MEIS1: variants seen among roughly 807,000 people sequenced by gnomAD.
MEIS1 encodes the protein Meis homeobox 1, also known as homeobox protein Meis1.
In MEIS1, 5 loss-of-function variants were observed where a neutral mutation model predicts 50.8. The observed-to-expected ratio is 0.10, with a 90% confidence interval of 0.05 to 0.21. The LOEUF (loss-of-function observed/expected upper bound fraction) is 0.21, where lower values mean the gene tolerates loss of function less well. MEIS1 is among the 10% of genes least tolerant of loss of function. MEIS1 has a pLI of 1.00. For synonymous variants in MEIS1, 176 were observed against 179.3 expected (o/e 0.98, Z 0.15); for missense variants, 318 against 517.3 (o/e 0.61, Z 3.74).
Position 66,439,927 on chromosome 2 carries a change from C to T in MEIS1, c.324C>T (p.Gly108=), listed in dbSNP as rs773683300. The T allele has an allele frequency of 6.2e-7, 1 of 1,613,504 alleles. No individual in the cohort carries two copies. The change falls in exon 3 of 13, where the codon GGC becomes GGT. Residue 108 remains glycine (G), a synonymous_variant. Coordinates refer to ENST00000272369, the MANE Select transcript of MEIS1 (RefSeq NM_002398.3). ...TCTPREPGVA[G]GDVCSSESFN... is the part of the protein sequence containing the mutation. ...CCCCCCGCGAGCCGGGGGTGGCGGGCGGGGACGTCTGCTCGTCAGAGTCAT... is the reference window on the plus strand; with the variant it reads ...CCCCCCGCGAGCCGGGGGTGGCGGGTGGGGACGTCTGCTCGTCAGAGTCAT...
chr2:66,525,404 T>C (rs995348200), intron 8 of MEIS1, among the ~76,000 whole-genome samples: 3 of 152,192 alleles, frequency 2.0e-5, no homozygotes, highest in Non-Finnish European at 2.9e-5. Flanking sequence ...GCAGCTTGCA[T>C]AGAAAGGATC....
intron 9 of MEIS1, among the ~76,000 whole-genome samples, chr2:66,557,964 T>A (rs748342687): frequency 3.3e-5 from 5 of 152,108 alleles, no homozygotes; most frequent in Non-Finnish European, 7.4e-5. Flanking sequence ...TTGACTGTGA[T>A]AATTACGAGT....
intron 7 of MEIS1, among the ~76,000 whole-genome samples, chr2:66,499,977 A>G (rs924596685): frequency 6.6e-6 from 1 of 152,058 alleles, no homozygotes. Flanking sequence ...TTTTTTTCCT[A>G]TGCTAAAAGG....
chr2:66,534,982 A>C (rs112697521), intron 8 of MEIS1, among the ~76,000 whole-genome samples: 5 of 152,310 alleles, frequency 3.3e-5, no homozygotes, highest in African/African-American at 1.2e-4. Flanking sequence ...ATTTTAGTTT[A>C]AGTTTTAGTT....
At chr2:66,473,397 A>AAAATATATATATAT in intron 7 of MEIS1, among the ~76,000 whole-genome samples, 3 of 107,578 alleles carry the variant, frequency 2.8e-5, no homozygotes, top group African/African-American at 5.8e-5. Context: ...AAAAAAAAAA[A>AAAATATATATATAT]ATATATATAT....
At chr2:66,507,115 GA>G (rs1410677773) in intron 7 of MEIS1, among the ~76,000 whole-genome samples, 1 of 152,172 alleles carries the variant, frequency 6.6e-6, no homozygotes. Context: ...CTATTTGCAT[GA>G]AAATGTAGCC....
chr2:66,522,343 G>A (rs1674144968), intron 8 of MEIS1, among the ~76,000 whole-genome samples: 1 of 152,174 alleles, frequency 6.6e-6, no homozygotes. Flanking sequence ...ATTGATAGAT[G>A]AGGAAGTTTA....
chr2:66,458,564 T>G (rs912807355), intron 6 of MEIS1, among the ~76,000 whole-genome samples: 1 of 152,222 alleles, frequency 6.6e-6, no homozygotes, highest in Non-Finnish European at 1.5e-5. Flanking sequence ...GCTGCATGCT[T>G]GACAATTTAC....
chr2:66,477,954 G>T (rs1328202522), intron 7 of MEIS1, among the ~76,000 whole-genome samples: 1 of 152,158 alleles, frequency 6.6e-6, no homozygotes, highest in Non-Finnish European at 1.5e-5. Flanking sequence ...CTTTTTGCCA[G>T]AATGTTAAAG....
At chr2:66,470,560 T>A (rs151002468) in intron 7 of MEIS1, among the ~76,000 whole-genome samples, 422 of 152,280 alleles carry the variant, frequency 2.8e-3, no homozygotes, top group Non-Finnish European at 4.8e-3. Flanking sequence ...AATCAGGTCA[T>A]CTTAAAGAAA....
chr2:66,521,294 G>A (rs1283831197), intron 8 of MEIS1, among the ~76,000 whole-genome samples: 1 of 152,004 alleles, frequency 6.6e-6, no homozygotes, highest in African/African-American at 2.4e-5. Flanking sequence ...TGCTTTGGGG[G>A]GTGAAGAATC....
At chr2:66,568,952 AC>A in intron 11 of MEIS1, 97 bp from the exon 12 acceptor site, 1 of 1,217,962 alleles carries the variant, frequency 8.2e-7, no homozygotes. Flanking sequence ...CTATTTCTCA[AC>A]CCTCTAGATC....
intron 6 of MEIS1, among the ~76,000 whole-genome samples, chr2:66,459,484 T>A (rs1047035566): frequency 2.6e-5 from 4 of 152,152 alleles, no homozygotes; most frequent in Non-Finnish European, 4.4e-5. Flanking sequence ...TGATTGATAG[T>A]CAGGATGCAA....
rs1317063308 is a variant in MEIS1 at position 66,571,414 on chromosome 2, T to G, written c.*206T>G. ...GGACACCCTCACCACCCAACAGTGA[T>G]GATGCATGGAGGACCGCCCCACCCT... On this transcript the variant is annotated 3_prime_UTR_variant, in exon 13 of 13. Transcript: ENST00000272369. 6.2e-7 allele frequency: 1 copy of G among 1,606,626 alleles called. No individual in the cohort carries two copies. The highest frequency in any genetic ancestry group is 8.5e-7 in the Non-Finnish European group (1 of 1,176,874).
chr2:66,498,719 C>G (rs1394383829), intron 7 of MEIS1, among the ~76,000 whole-genome samples: 1 of 152,174 alleles, frequency 6.6e-6, no homozygotes, highest in Non-Finnish European at 1.5e-5. Flanking sequence ...TTCAGTGAGG[C>G]ATTCATGTGC....
intron 6 of MEIS1, chr2:66,445,261 C>T (rs1672102767): frequency 6.6e-6 from 1 of 152,290 alleles, no homozygotes; most frequent in Non-Finnish European, 1.5e-5. Flanking sequence ...TGGGGCTCAC[C>T]CAAGTTTCAG....
chr2:66,464,150 T>C lies in MEIS1; in HGVS notation c.672T>C (p.Arg224=). ...ATCATGATGACACGGCATCTACTCGTTCAGGAGGAACCCCAGGCCCTTCCA... is the reference window on the plus strand; with the variant it reads ...ATCATGATGACACGGCATCTACTCGCTCAGGAGGAACCCCAGGCCCTTCCA... ...NRDHDDTAST[R]SGGTPGPSSG... Residue 224 remains arginine, a synonymous_variant, in exon 7 of 13, where the codon CGT becomes CGC. Coordinates refer to ENST00000272369, the MANE Select transcript of MEIS1 (RefSeq NM_002398.3). 6.2e-7 allele frequency: 1 copy of C among 1,606,186 alleles called. No individual in the cohort carries two copies. Among genetic ancestry groups the C allele is most frequent in the Non-Finnish European group, 8.5e-7 (1 of 1,176,562 alleles).
Position 66,571,388 on chromosome 2 carries a change from T to G in MEIS1, c.*180T>G. ...GGCCCCCCATGCATACGTACATTCC[T>G]GGACACCCTCACCACCCAACAGTGA... On this transcript the variant is annotated 3_prime_UTR_variant, in exon 13 of 13. Transcript: ENST00000272369. 1 of 1,604,428 alleles carries G rather than the reference T, an allele frequency of 6.2e-7. No homozygotes were observed. Among genetic ancestry groups the G allele is most frequent in the East Asian group, 2.2e-5 (1 of 44,526 alleles).
intron 7 of MEIS1, among the ~76,000 whole-genome samples, chr2:66,507,769 G>A (rs1177137251): frequency 6.6e-6 from 1 of 152,186 alleles, no homozygotes; most frequent in Non-Finnish European, 1.5e-5. Flanking sequence ...GATAAATGCC[G>A]CTTTATCCTG....
Sources: allele counts gnomAD v4.1 joint callset (sites outside exome capture counted in the v4.1 genomes callset), GRCh38; gene constraint gnomAD v4.1.1; transcripts MANE v1.5; gene names NCBI Gene and HGNC (gene_info 2026-07-23, HGNC 2026-07-21).